PARD3B: variants seen among roughly 807,000 people sequenced by gnomAD.
PARD3B encodes partitioning defective 3 homolog B.
PARD3B carries 103 observed loss-of-function variants against 130.2 expected under a neutral mutation model. The observed-to-expected ratio is 0.79, with a 90% CI of 0.67 to 0.93. PARD3B has a LOEUF of 0.93. PARD3B is among the 40% of genes least tolerant of loss of function. The probability of loss-of-function intolerance (pLI) is 0.00; values close to 1 mark genes in which losing one functional copy is unlikely to be tolerated. For synonymous variants in PARD3B, 583 were observed against 553.2 expected (o/e 1.05, Z -0.76); for missense variants, 1,609 against 1,499.2 (o/e 1.07, Z -1.21).
intron 2 of PARD3B, among the ~76,000 whole-genome samples, chr2:204,710,647 A>G (rs546085087): frequency 1.3e-5 from 2 of 152,282 alleles, no homozygotes; most frequent in East Asian, 3.9e-4. Flanking sequence ...ATATTCTCTA[A>G]AGAGTTGCAC....
intron 19 of PARD3B, among the ~76,000 whole-genome samples, chr2:205,432,212 A>T (rs138604751): frequency 1.9e-4 from 29 of 152,166 alleles, no homozygotes; most frequent in Admixed American, 1.9e-3. Flanking sequence ...ATGGACAACC[A>T]CCACCTTCCC....
chr2:204,779,591 G>C (rs1003034190), intron 2 of PARD3B, among the ~76,000 whole-genome samples: 2 of 152,150 alleles, frequency 1.3e-5, no homozygotes, highest in Non-Finnish European at 2.9e-5. Context: ...CTGAAGACGT[G>C]TCTGGTAATA....
rs896835160 is a variant in PARD3B at position 205,269,492 on chromosome 2, T to C, written c.2185+23670T>C. Among the ~76,000 whole-genome samples, 3 of 152,150 alleles carry C rather than the reference T, an allele frequency of 2.0e-5. No homozygotes were observed. The highest frequency in any genetic ancestry group is 2.9e-5 in the Non-Finnish European group (2 of 68,014). On this transcript the variant is annotated intron_variant, in intron 16 of 22. Transcript: ENST00000406610. This position sits in a 1 kb window ranked among gnomAD's most constrained non-coding sequence, Gnocchi z 4.7. Reference sequence around the variant, plus strand: ...ACCTTGTTAAGATTTCCAAGAACTTTTATATTCAGGAATTTATATTCAGGA... The same window carrying C: ...ACCTTGTTAAGATTTCCAAGAACTTCTATATTCAGGAATTTATATTCAGGA...
chr2:204,914,212 C>T (rs567279404), intron 2 of PARD3B, among the ~76,000 whole-genome samples: 1 of 152,290 alleles, frequency 6.6e-6, no homozygotes, highest in Admixed American at 6.5e-5. Context: ...TAACAAGAAC[C>T]TCTCTTGCTT....
chr2:204,661,704 TAAAC>T (rs1263252844), intron 1 of PARD3B, among the ~76,000 whole-genome samples: 1 of 152,194 alleles, frequency 6.6e-6, no homozygotes, highest in Non-Finnish European at 1.5e-5. Flanking sequence ...TATTTAAAAA[TAAAC>T]CCATTACATG....
At chr2:205,600,922 G>T (rs1286886332) in intron 22 of PARD3B, among the ~76,000 whole-genome samples, 3 of 152,146 alleles carry the variant, frequency 2.0e-5, no homozygotes, top group Admixed American at 2.0e-4. Context: ...CATTTGAGTT[G>T]ATTCCATGTC....
chr2:205,081,563 T>C (rs1323648788), intron 4 of PARD3B, among the ~76,000 whole-genome samples: 1 of 152,066 alleles, frequency 6.6e-6, no homozygotes, highest in Non-Finnish European at 1.5e-5. Context: ...CTATGTTAGG[T>C]TGAAGAAGGT....
Position 205,275,195 on chromosome 2 carries a change from T to TA in PARD3B, c.2186-25322dup, listed in dbSNP as rs796270241. Among the ~76,000 whole-genome samples, 723 of 140,148 alleles carry TA rather than the reference T, an allele frequency of 5.2e-3. 3 individuals are homozygous for TA. The highest frequency in any genetic ancestry group is 7.7e-3 in the African/African-American group (297 of 38,326). The allele number at this position is 140,148 out of a possible 152,430, so 91.9% of individuals were successfully genotyped here. A position where few individuals can be genotyped will look rare whatever the true frequency, so the allele number is the denominator to read the frequency against. On this transcript the variant is annotated intron_variant, in intron 16 of 22. Transcript: ENST00000406610. ...CGGTGCCCTGTTGAACGGGAAAAAT[T>TA]AAAAAAAAAAAAAGTCTCTCGAGTT...
intron 16 of PARD3B, among the ~76,000 whole-genome samples, chr2:205,271,124 TTAAA>T (rs1174816899): frequency 2.0e-5 from 3 of 152,194 alleles, no homozygotes; most frequent in African/African-American, 4.8e-5. Context: ...GAAGTGTACC[TTAAA>T]TAATCACTTG....
At chr2:204,690,591 C>T (rs2037310182) in intron 2 of PARD3B, among the ~76,000 whole-genome samples, 1 of 152,120 alleles carries the variant, frequency 6.6e-6, no homozygotes, top group Non-Finnish European at 1.5e-5. Flanking sequence ...ACATTGGAAT[C>T]AGTAAGGGAA....
intron 1 of PARD3B, among the ~76,000 whole-genome samples, chr2:204,605,213 A>G (rs980686668): frequency 1.3e-5 from 2 of 152,146 alleles, no homozygotes; most frequent in African/African-American, 4.8e-5. Flanking sequence ...GAAGGCCCCA[A>G]TTCAAGGAGA....
intron 11 of PARD3B, among the ~76,000 whole-genome samples, chr2:205,170,578 C>T (rs2035106307): frequency 6.6e-6 from 1 of 152,166 alleles, no homozygotes; most frequent in African/African-American, 2.4e-5. Context: ...GCGGCGTGGG[C>T]AGTGTGTCTT....
rs569640038 is a variant in PARD3B at position 205,618,964 on chromosome 2, C to T, written c.*3151C>T. The T allele has an allele frequency of 1.3e-5, 2 of 152,108 alleles. No individual in the cohort carries two copies. Among genetic ancestry groups the T allele is most frequent in the African/African-American group, 4.8e-5 (2 of 41,422 alleles). The allele number at this position is 152,108 out of a possible 1,614,324, so 9.4% of individuals were successfully genotyped here. ...ATTCTGAAGCTCATTATTCTTAGAT[C>T]TGTAGATATATATGTGTTGACTCCC... On this transcript the variant is annotated 3_prime_UTR_variant, in exon 23 of 23. Coordinates refer to ENST00000406610, the MANE Select transcript of PARD3B (RefSeq NM_001302769.2).
intron 22 of PARD3B, among the ~76,000 whole-genome samples, chr2:205,593,979 T>C (rs1197213428): frequency 1.3e-5 from 2 of 152,162 alleles, no homozygotes; most frequent in African/African-American, 4.8e-5. Flanking sequence ...CACATATTAC[T>C]TTACAGATGG....
chr2:204,772,464 T>C (rs1574945297), intron 2 of PARD3B, among the ~76,000 whole-genome samples: 1 of 152,122 alleles, frequency 6.6e-6, no homozygotes, highest in African/African-American at 2.4e-5. Context: ...ATTAACTATT[T>C]GTGGTTGTAG....
intron 3 of PARD3B, among the ~76,000 whole-genome samples, chr2:205,042,993 A>G (rs1325468602): frequency 6.6e-6 from 1 of 152,024 alleles, no homozygotes; most frequent in African/African-American, 2.4e-5. Flanking sequence ...ATTCTAAGGA[A>G]CATTGTTGTT....
At chr2:205,233,681 T>G (rs2038941166) in intron 15 of PARD3B, among the ~76,000 whole-genome samples, 1 of 152,066 alleles carries the variant, frequency 6.6e-6, no homozygotes, top group East Asian at 1.9e-4. Context: ...AAGTAAAAAA[T>G]GTGTTGCTAC....
rs1009369383 is a variant in PARD3B at position 204,965,095 on chromosome 2, T to C, written c.223-57T>C. The C allele has an allele frequency of 3.3e-6, 5 of 1,533,546 alleles. No homozygotes were observed. The African/African-American group carries it at 4.1e-5, about 13-fold the overall frequency. The allele number at this position is 1,533,546 out of a possible 1,614,324, so 95.0% of individuals were successfully genotyped here. A position where few individuals can be genotyped will look rare whatever the true frequency, so the allele number is the denominator to read the frequency against. ...ATAAAGATCACGTTCAGCTAGATAG[T>C]GTCCGTGTGGTATGCATGTCCTACA... is the stretch of plus-strand genomic sequence containing the variant. On this transcript the variant is annotated intron_variant, in intron 2 of 22. Transcript: ENST00000406610.
At chr2:205,042,408 T>C (rs1051830943) in intron 3 of PARD3B, among the ~76,000 whole-genome samples, 2 of 152,142 alleles carry the variant, frequency 1.3e-5, no homozygotes, top group African/African-American at 4.8e-5. Context: ...GTACAGTAAG[T>C]GAGTGTGTAA....
Sources: allele counts gnomAD v4.1 joint callset (sites outside exome capture counted in the v4.1 genomes callset), GRCh38; gene constraint gnomAD v4.1.1; non-coding constraint Gnocchi (gnomAD v3.1); transcripts MANE v1.5; gene names NCBI Gene and HGNC (gene_info 2026-07-23, HGNC 2026-07-21).